IQCM: variants seen among roughly 807,000 people sequenced by gnomAD.
The protein encoded by IQCM is IQ motif containing M.
Under a neutral mutation model 57.6 loss-of-function variants are expected in IQCM, and 45 were observed. The ratio of observed to expected loss-of-function variants is 0.78; its 90% confidence interval spans 0.62 to 1.00. The LOEUF is 1.00. Among genes scored for constraint, IQCM ranks in the 50% least tolerant of loss-of-function variants. IQCM has a pLI of 0.00. For synonymous variants in IQCM, 148 were observed against 158.9 expected (o/e 0.93, Z 0.51); for missense variants, 468 against 511.6 (o/e 0.91, Z 0.82).
intron 12 of IQCM, among the ~76,000 whole-genome samples, chr4:149,523,068 T>A (rs1421051946): frequency 1.3e-5 from 2 of 152,136 alleles, no homozygotes; most frequent in African/African-American, 4.8e-5. Context: ...AGATTAAGTA[T>A]CTAGTGAGGG....
At chr4:149,520,328 G>A (rs965048667) in intron 12 of IQCM, among the ~76,000 whole-genome samples, 2 of 150,830 alleles carry the variant, frequency 1.3e-5, no homozygotes, top group African/African-American at 4.9e-5. Flanking sequence ...CCACATGGCT[G>A]ACTCCAGACC....
intron 2 of IQCM, among the ~76,000 whole-genome samples, chr4:149,783,855 G>C (rs1211072400): frequency 7.2e-5 from 11 of 152,082 alleles, no homozygotes; most frequent in Admixed American, 6.6e-4. Flanking sequence ...GCAGCCTCCA[G>C]TTGACAGTCA....
chr4:149,464,367 G>T (rs755527213), intron 12 of IQCM, among the ~76,000 whole-genome samples: 6 of 152,036 alleles, frequency 3.9e-5, no homozygotes, highest in African/African-American at 1.2e-4. Flanking sequence ...TTCCTATCCC[G>T]CAAACTAAAT....
At chr4:149,679,117 T>C (rs1761987492) in intron 7 of IQCM, among the ~76,000 whole-genome samples, 1 of 151,512 alleles carries the variant, frequency 6.6e-6, no homozygotes, top group Non-Finnish European at 1.5e-5. Context: ...ACAGACAAAA[T>C]ATGGAATCAA....
At chr4:149,670,412 G>T (rs1052801445) in intron 7 of IQCM, among the ~76,000 whole-genome samples, 1 of 152,132 alleles carries the variant, frequency 6.6e-6, no homozygotes, top group Non-Finnish European at 1.5e-5. Flanking sequence ...ATACAATCAT[G>T]TCATCTGCAA....
chr4:149,535,907 T>C (rs1270807984), intron 12 of IQCM, among the ~76,000 whole-genome samples: 2 of 152,020 alleles, frequency 1.3e-5, no homozygotes, highest in African/African-American at 4.8e-5. Flanking sequence ...ACACAGCTAT[T>C]GCTAGGGTGA....
At chr4:149,649,932 A>G (rs921484257) in intron 7 of IQCM, among the ~76,000 whole-genome samples, 4 of 152,224 alleles carry the variant, frequency 2.6e-5, no homozygotes, top group African/African-American at 9.6e-5. Flanking sequence ...TATCATAAAG[A>G]GAACAATGTT....
intron 8 of IQCM, among the ~76,000 whole-genome samples, chr4:149,611,892 A>G (rs1348472401): frequency 6.6e-6 from 1 of 152,140 alleles, no homozygotes; most frequent in Admixed American, 6.6e-5. Context: ...TGATAATTAT[A>G]TGTTGTATCA....
chr4:149,659,403 G>A (rs946919389), intron 7 of IQCM, among the ~76,000 whole-genome samples: 8 of 152,172 alleles, frequency 5.3e-5, no homozygotes, highest in African/African-American at 1.4e-4. Flanking sequence ...TGGCCATACT[G>A]CCCAAGGTAA....
chr4:149,670,490 C>G (rs1213244684), intron 7 of IQCM, among the ~76,000 whole-genome samples: 1 of 152,050 alleles, frequency 6.6e-6, no homozygotes, highest in Non-Finnish European at 1.5e-5. Flanking sequence ...GCCTGATTGC[C>G]CTGGCCAGAA....
intron 12 of IQCM, among the ~76,000 whole-genome samples, chr4:149,508,589 C>T (rs1038491871): frequency 2.0e-5 from 3 of 152,192 alleles, no homozygotes; most frequent in African/African-American, 7.2e-5. Flanking sequence ...TTGTATTTAC[C>T]CAATGCCTGT....
intron 12 of IQCM, among the ~76,000 whole-genome samples, chr4:149,467,782 T>C (rs1340333554): frequency 6.6e-6 from 1 of 152,080 alleles, no homozygotes; most frequent in Non-Finnish European, 1.5e-5. Flanking sequence ...GACACAGCAG[T>C]GAGGTTGCTG....
intron 2 of IQCM, among the ~76,000 whole-genome samples, chr4:149,757,087 T>C (rs1444835504): frequency 6.6e-6 from 1 of 151,774 alleles, no homozygotes; most frequent in Non-Finnish European, 1.5e-5. Flanking sequence ...TGAAACCCCA[T>C]CTCTACTAAA....
chr4:149,495,955 A>G (rs997643905), intron 12 of IQCM, among the ~76,000 whole-genome samples: 1 of 152,146 alleles, frequency 6.6e-6, no homozygotes, highest in African/African-American at 2.4e-5. Flanking sequence ...ATCTCTGAGT[A>G]TTGTGTGTTT....
chr4:149,519,903 G>A (rs559781921), intron 12 of IQCM, among the ~76,000 whole-genome samples: 42 of 151,790 alleles, frequency 2.8e-4, no homozygotes, highest in Non-Finnish European at 5.4e-4. Context: ...TACTCAGGGG[G>A]CTGAGGCAGG....
intron 7 of IQCM, among the ~76,000 whole-genome samples, chr4:149,672,989 T>C (rs1312496758): frequency 1.3e-5 from 2 of 152,062 alleles, no homozygotes; most frequent in Admixed American, 1.3e-4. Context: ...TTAAATAAAA[T>C]AATTTTCAAC....
chr4:149,635,900 A>G (rs901984292), intron 7 of IQCM, among the ~76,000 whole-genome samples: 5 of 152,230 alleles, frequency 3.3e-5, no homozygotes, highest in African/African-American at 1.2e-4. Context: ...TTCTAGTAAT[A>G]GAGGAAATAG....
chr4:149,546,882 T>A lies in IQCM; in HGVS notation c.1228+1573A>T, dbSNP rs372366225. On this transcript the variant is annotated intron_variant, in intron 12 of 13. Transcript: ENST00000636793. Reference sequence around the variant, plus strand: ...GCCATTGCTTTTGGTGTTTTAGACATGAAGTCCTTGCCCATGCCTATGTCC... The same window carrying A: ...GCCATTGCTTTTGGTGTTTTAGACAAGAAGTCCTTGCCCATGCCTATGTCC... Among the ~76,000 whole-genome samples, 6 of 152,286 alleles carry A rather than the reference T, an allele frequency of 3.9e-5. No individual in the cohort carries two copies. The East Asian group carries it at 1.2e-3, about 29-fold the overall frequency.
At chr4:149,685,070 T>C in intron 6 of IQCM, among the ~76,000 whole-genome samples, 1 of 151,522 alleles carries the variant, frequency 6.6e-6, no homozygotes, top group East Asian at 1.9e-4. Context: ...CGGAAAATAG[T>C]CAACTCTCTT....
Sources: gnomAD v4.1 joint callset for allele counts (sites outside exome capture counted in the v4.1 genomes callset) on GRCh38, gnomAD v4.1.1 for gene constraint, MANE v1.5 for transcripts, NCBI Gene and HGNC (gene_info 2026-07-23, HGNC 2026-07-21) for gene names.